CLIC5: variants seen among roughly 807,000 people sequenced by gnomAD.
CLIC5 encodes the protein chloride intracellular channel protein 5.
Under a neutral mutation model 24.7 loss-of-function variants are expected in CLIC5, and 20 were observed. That is an observed-to-expected ratio of 0.81 (90% CI 0.57 to 1.18). The LOEUF (loss-of-function observed/expected upper bound fraction) is 1.18, where lower values mean the gene tolerates loss of function less well. CLIC5 is among the 50% of genes most tolerant of loss of function. The probability of loss-of-function intolerance (pLI) is 0.00; values close to 1 mark genes in which losing one functional copy is unlikely to be tolerated. For missense variants in CLIC5, 341 were observed against 326.1 expected, an observed-to-expected ratio of 1.05 and a Z score of -0.35; for synonymous variants, 159 against 135.6, an observed-to-expected ratio of 1.17 and a Z score of -1.20.
chr6:45,902,088 A>T lies in CLIC5; in HGVS notation c.*1000T>A, dbSNP rs1437683881. On this transcript the variant is annotated 3_prime_UTR_variant, in exon 6 of 6. Transcript: ENST00000339561. ...AGGTTAGCAGTTACATGATGCCACC[A>T]GTCCAAGACTTAGATCATGAGAGAA... The T allele has an allele frequency of 6.6e-6, 1 of 152,652 alleles. No individual in the cohort carries two copies. The highest frequency in any genetic ancestry group is 1.5e-5 in the Non-Finnish European group (1 of 68,046). 9.5% of individuals were successfully genotyped at this position (152,652 alleles called of 1,614,324 possible).
chr6:46,062,566 G>A (rs1762314965), intron 1 of CLIC5, among the ~76,000 whole-genome samples: 1 of 152,210 alleles, frequency 6.6e-6, no homozygotes, highest in African/African-American at 2.4e-5. Flanking sequence ...AAGCATAAAA[G>A]TGGGACATGC....
Position 45,913,481 on chromosome 6 carries a change from C to T in CLIC5, c.588+747G>A, listed in dbSNP as rs80180503. Among the ~76,000 whole-genome samples the T allele has an allele frequency of 3.9e-3, 593 of 152,300 alleles. 7 individuals carry two copies. Among genetic ancestry groups the T allele is most frequent in the African/African-American group, 0.013 (552 of 41,554 alleles). On this transcript the variant is annotated intron_variant, in intron 5 of 5. Transcript: ENST00000339561. ...TGATTTAATAATCAGAGCTATCTAA[C>T]ATGGTAGGGCTGGCTCATTAAGCAG...
chr6:45,938,444 G>T (rs893152306), intron 4 of CLIC5, among the ~76,000 whole-genome samples: 1 of 152,222 alleles, frequency 6.6e-6, no homozygotes, highest in African/African-American at 2.4e-5. Flanking sequence ...GCAAGTTATA[G>T]TTCCAGGGAA....
chr6:45,970,749 CCTG>C (rs1269567756), intron 1 of CLIC5, among the ~76,000 whole-genome samples: 1 of 152,180 alleles, frequency 6.6e-6, no homozygotes, highest in Admixed American at 6.5e-5. Flanking sequence ...AGTCAGACAA[CCTG>C]CATACTGGTC....
upstream of CLIC5, among the ~76,000 whole-genome samples, chr6:46,084,302 A>G (rs2127480779): frequency 6.6e-6 from 1 of 152,194 alleles, no homozygotes; most frequent in African/African-American, 2.4e-5. Flanking sequence ...TTATGTGTGA[A>G]TTTGATCCTG....
chr6:46,011,240 T>A (rs772880477), intron 1 of CLIC5, among the ~76,000 whole-genome samples: 3 of 152,220 alleles, frequency 2.0e-5, no homozygotes, highest in Non-Finnish European at 4.4e-5. Flanking sequence ...AACTGGGCAG[T>A]GATTGGATGC....
rs1762528526 is a variant in CLIC5, at chr6:45,902,223, A to G, written c.*865T>C. 1 of 152,614 alleles carries G rather than the reference A, an allele frequency of 6.6e-6. No homozygotes were observed. The allele number at this position is 152,614 out of a possible 1,614,324, so 9.5% of individuals were successfully genotyped here. On this transcript the variant is annotated 3_prime_UTR_variant, in exon 6 of 6. Coordinates refer to ENST00000339561, the MANE Select transcript of CLIC5 (RefSeq NM_016929.5). ...TCCACTTTCTCATAGCTCAAAAACC[A>G]CTCATTGGTAAGCACAGTCAAACCC...
At chr6:46,059,587 C>T (rs1202474104) in intron 1 of CLIC5, among the ~76,000 whole-genome samples, 2 of 152,130 alleles carry the variant, frequency 1.3e-5, no homozygotes, top group Non-Finnish European at 2.9e-5. Context: ...AAGACACATG[C>T]CAGGTATTGT....
the CLIC5 span, among the ~76,000 whole-genome samples, chr6:46,101,990 T>G: frequency 4.6e-4 from 63 of 136,226 alleles, no homozygotes; most frequent in Middle Eastern, 3.8e-3. Flanking sequence ...GTGTTGGGGG[T>G]GGGGGTGGTA....
At chr6:45,920,191 A>G in intron 4 of CLIC5, 1 of 978,250 alleles carries the variant, frequency 1.0e-6, no homozygotes, top group Non-Finnish European at 1.2e-6. Flanking sequence ...TATAATTCTT[A>G]GTACTTTCAG....
At chr6:46,006,127 CATATAT>C (rs58643121) in intron 1 of CLIC5, among the ~76,000 whole-genome samples, 31 of 35,142 alleles carry the variant, frequency 8.8e-4, no homozygotes, top group East Asian at 7.6e-3. Context: ...TGTATAAATA[CATATAT>C]ATATATATAT....
At chr6:46,117,253 G>C in the CLIC5 span, among the ~76,000 whole-genome samples, 1 of 152,050 alleles carries the variant, frequency 6.6e-6, no homozygotes. Flanking sequence ...TACCTAATCT[G>C]ATACTTCCCA....
chr6:46,109,434 C>G, the CLIC5 span, among the ~76,000 whole-genome samples: 3 of 144,344 alleles, frequency 2.1e-5, no homozygotes, highest in South Asian at 6.6e-4. Context: ...AATCCCAGCA[C>G]TTTGGGAGGC....
At chr6:45,939,232 T>C (rs953031083) in intron 4 of CLIC5, among the ~76,000 whole-genome samples, 3 of 148,646 alleles carry the variant, frequency 2.0e-5, no homozygotes, top group Non-Finnish European at 4.5e-5. Flanking sequence ...TTTTTTTTTT[T>C]TTTTTTTGAG....
intron 1 of CLIC5, among the ~76,000 whole-genome samples, chr6:45,957,262 A>G (rs774472282): frequency 2.0e-5 from 3 of 152,182 alleles, no homozygotes; most frequent in Admixed American, 6.5e-5. Flanking sequence ...GTTAATAATA[A>G]CATATCTATA....
At chr6:45,909,047 T>TC (rs1405702399) in intron 5 of CLIC5, among the ~76,000 whole-genome samples, 1 of 152,020 alleles carries the variant, frequency 6.6e-6, no homozygotes, top group Non-Finnish European at 1.5e-5. Context: ...GTTCTTTTTT[T>TC]TTTTTTCACT....
chr6:46,020,013 A>G (rs1172618964), upstream of CLIC5, among the ~76,000 whole-genome samples: 1 of 152,100 alleles, frequency 6.6e-6, no homozygotes, highest in Non-Finnish European at 1.5e-5. Flanking sequence ...TTATAGCACA[A>G]GTAGACAAAA....
intron 1 of CLIC5, among the ~76,000 whole-genome samples, chr6:46,076,213 C>T (rs750945117): frequency 6.6e-5 from 10 of 152,200 alleles, no homozygotes; most frequent in Non-Finnish European, 1.5e-4. Flanking sequence ...ACCTCTCCAG[C>T]CTCATCTCCT....
chr6:46,012,168 T>C (rs1766831491), intron 1 of CLIC5, among the ~76,000 whole-genome samples: 1 of 152,232 alleles, frequency 6.6e-6, no homozygotes, highest in South Asian at 2.1e-4. Context: ...CCTTTCACTC[T>C]CAAAAGTGTC....
Sources: allele counts gnomAD v4.1 joint callset (sites outside exome capture counted in the v4.1 genomes callset), GRCh38; gene constraint gnomAD v4.1.1; transcripts MANE v1.5; gene names NCBI Gene and HGNC (gene_info 2026-07-23, HGNC 2026-07-21).